Variants in ZNF500 observed in about 807,000 individuals in gnomAD.
The protein encoded by ZNF500 is zinc finger protein 500.
A neutral mutation model predicts 30.1 loss-of-function variants in ZNF500; 31 were observed. The observed-to-expected ratio is 1.03, with a 90% confidence interval of 0.77 to 1.39. The LOEUF is 1.39. Ranked by LOEUF, ZNF500 falls within the 40% of genes most tolerant of loss-of-function variation. The pLI, the probability that ZNF500 is intolerant of heterozygous loss-of-function variation, is 0.00. For synonymous variants in ZNF500, 392 were observed against 282.0 expected, an observed-to-expected ratio of 1.39 and a Z score of -3.91; for missense variants, 817 against 657.8, an observed-to-expected ratio of 1.24 and a Z score of -2.65.
chr16:4,755,282 C>T (rs571399543), intron 5 of ZNF500, among the ~76,000 whole-genome samples: 1 of 152,120 alleles, frequency 6.6e-6, no homozygotes, highest in South Asian at 2.1e-4. Flanking sequence ...GCGTGAGCCA[C>T]AGCACCCAGC....
chr16:4,752,069 C>T lies in ZNF500; in HGVS notation c.*307G>A. ...GGACCCTCCCAGGCCCTTCAGGAGCCAGCCCCACGAACACCTTGAGTGTCG... is the reference window on the plus strand; with the variant it reads ...GGACCCTCCCAGGCCCTTCAGGAGCTAGCCCCACGAACACCTTGAGTGTCG... On this transcript the variant is annotated 3_prime_UTR_variant, in exon 6 of 6. Transcript: ENST00000219478. 1.5e-6 allele frequency: 2 copies of T among 1,301,178 alleles called. No homozygotes were observed. The highest frequency in any genetic ancestry group is 1.9e-6 in the Non-Finnish European group (2 of 1,027,274). The allele number at this position is 1,301,178 out of a possible 1,614,324, so 80.6% of individuals were successfully genotyped here.
At chr16:4,759,697 TGGA>T (rs1280682447) in intron 5 of ZNF500, among the ~76,000 whole-genome samples, 1 of 152,100 alleles carries the variant, frequency 6.6e-6, no homozygotes, top group Non-Finnish European at 1.5e-5. Context: ...TCTGTTTCTC[TGGA>T]GAAGAACCCT....
At chr16:4,761,721 T>C (rs1187994229) in intron 4 of ZNF500, among the ~76,000 whole-genome samples, 2 of 147,844 alleles carry the variant, frequency 1.4e-5, no homozygotes, top group Admixed American at 1.4e-4. Context: ...CCGGGTGTGG[T>C]GGTGCATGCC....
downstream of ZNF500, chr16:4,747,413 C>A: frequency 6.2e-7 from 1 of 1,612,806 alleles, no homozygotes; most frequent in Non-Finnish European, 8.5e-7. Flanking sequence ...CCAGCCCGAG[C>A]TGCCTGCCAG....
At chr16:4,746,549 C>T, downstream of ZNF500, 1 of 1,594,582 alleles carries the variant, frequency 6.3e-7, no homozygotes, top group Non-Finnish European at 8.5e-7. Context: ...CCAGCCTCTA[C>T]TTTGCAGAGT....
downstream of ZNF500, chr16:4,747,015 C>A: frequency 1.3e-6 from 2 of 1,531,588 alleles, no homozygotes; most frequent in South Asian, 2.5e-5. Flanking sequence ...TCCTTCCTCC[C>A]TGGGGCTACG....
chr16:4,746,991 G>A (rs551704306), downstream of ZNF500: 67 of 1,540,022 alleles, frequency 4.4e-5, no homozygotes, highest in South Asian at 5.4e-4. Context: ...TCTGGGAGAC[G>A]CAGAGGGGGC....
chr16:4,760,487 G>C lies in ZNF500; in HGVS notation c.760+5C>G, dbSNP rs527497593. 3 of 1,613,240 alleles carry C rather than the reference G, an allele frequency of 1.9e-6. No homozygotes were observed. The highest frequency in any genetic ancestry group is 2.7e-5 in the African/African-American group (2 of 75,044). On this transcript the variant is annotated splice_donor_5th_base_variant and intron_variant, in intron 5 of 5. Coordinates refer to ENST00000219478, the MANE Select transcript of ZNF500 (RefSeq NM_021646.4). Reference sequence around the variant, plus strand: ...CCCTAGAGGACACAATCACTTGCAAGTTACCTTCATTCTCCAGCGGCGCGT... The same window carrying C: ...CCCTAGAGGACACAATCACTTGCAACTTACCTTCATTCTCCAGCGGCGCGT...
At chr16:4,761,263 C>A (rs890206000) in intron 4 of ZNF500, among the ~76,000 whole-genome samples, 1 of 151,754 alleles carries the variant, frequency 6.6e-6, no homozygotes, top group African/African-American at 2.4e-5. Context: ...ATGGTGAAAC[C>A]CCATCTGTAC....
intron 2 of ZNF500, chr16:4,764,110 T>C: frequency 3.0e-6 from 3 of 985,358 alleles, no homozygotes; most frequent in Non-Finnish European, 3.6e-6. Flanking sequence ...AGAGGCACTG[T>C]CTATAGAGAT....
In ZNF500 at chr16:4,765,552, T is replaced by C. The variant is rs895849169; in HGVS notation, c.414+13A>G. ...CCATTTCCTCACCTGAGGGTCAAAA[T>C]GCCCCCACTCACCCGCTGCCTGTGT... is the stretch of plus-strand genomic sequence containing the variant. On this transcript the variant is annotated intron_variant, in intron 2 of 5. Coordinates refer to ENST00000219478, the MANE Select transcript of ZNF500 (RefSeq NM_021646.4). 6.4e-7 allele frequency: 1 copy of C among 1,568,730 alleles called. No homozygotes were observed. The highest frequency in any genetic ancestry group is 1.4e-5 in the African/African-American group (1 of 73,924).
At position 4,752,028 on chromosome 16, in the gene ZNF500, G is replaced by T; in HGVS notation, c.*348C>A. 1 of 1,235,270 alleles carries T rather than the reference G, an allele frequency of 8.1e-7. No homozygotes were observed. The highest frequency in any genetic ancestry group is 1.0e-6 in the Non-Finnish European group (1 of 974,862). The allele number at this position is 1,235,270 out of a possible 1,614,324, so 76.5% of individuals were successfully genotyped here. A position where few individuals can be genotyped will look rare whatever the true frequency, so the allele number is the denominator to read the frequency against. ...GGCTGTATGCCAGCAGCCACTGGAT[G>T]CTGGAGGCAGCTGATGGACCCTCCC... On this transcript the variant is annotated 3_prime_UTR_variant, in exon 6 of 6. Transcript: ENST00000219478.
intron 5 of ZNF500, among the ~76,000 whole-genome samples, chr16:4,759,117 G>T (rs1441423043): frequency 4.6e-5 from 7 of 151,924 alleles, no homozygotes; most frequent in Non-Finnish European, 1.0e-4. Context: ...GGCTGAGGCA[G>T]GAGAATCGCT....
intron 2 of ZNF500, 130 bp downstream of exon 2, chr16:4,765,435 T>G (rs1200410666): frequency 2.1e-5 from 27 of 1,310,316 alleles, no homozygotes; most frequent in Non-Finnish European, 2.7e-5. Context: ...CTTTTGCAGT[T>G]GCTTTCCTCA....
Position 4,767,037 on chromosome 16 carries a change from G to C in ZNF500, c.-119C>G, listed in dbSNP as rs2082271264. ...CTCACTGGAAGCGCTGCCGGCCGTG[G>C]GCAGTTCGGGGCAGGACCGGAGCGG... On this transcript the variant is annotated 5_prime_UTR_variant, in exon 1 of 6. Transcript: ENST00000219478. The C allele has an allele frequency of 6.6e-6, 1 of 152,316 alleles. No individual in the cohort carries two copies. Among genetic ancestry groups the C allele is most frequent in the African/African-American group, 2.4e-5 (1 of 41,482 alleles). The allele number at this position is 152,316 out of a possible 1,614,324, so 9.4% of individuals were successfully genotyped here. A position where few individuals can be genotyped will look rare whatever the true frequency, so the allele number is the denominator to read the frequency against.
downstream of ZNF500, chr16:4,747,737 C>G (rs1336504623): frequency 7.4e-7 from 1 of 1,353,654 alleles, no homozygotes; most frequent in South Asian, 1.5e-5. Flanking sequence ...AGGGGCATTC[C>G]AGAGGCAGGG....
At chr16:4,757,331 GAGAC>G (rs1278223985) in intron 5 of ZNF500, among the ~76,000 whole-genome samples, 2 of 152,036 alleles carry the variant, frequency 1.3e-5, no homozygotes, top group African/African-American at 4.8e-5. Flanking sequence ...TTGTTTTTTT[GAGAC>G]AGAGTCTCAC....
In ZNF500 at chr16:4,752,504, A is replaced by C; in HGVS notation, c.1315T>G (p.Cys439Gly). 3 of 1,555,180 alleles carry C rather than the reference A, an allele frequency of 1.9e-6. No individual in the cohort carries two copies. In the South Asian group the frequency reaches 3.5e-5, roughly 18 times the overall value. ...RTHTGEKPYT[C>G]PACGRGFRRG... ...CGGAAGCCCCGGCCACAGGCCGGGCAGGTGTAGGGCTTCTCACCTGTGTGC... is the reference window on the plus strand; with the variant it reads ...CGGAAGCCCCGGCCACAGGCCGGGCCGGTGTAGGGCTTCTCACCTGTGTGC... Residue 439 changes from cysteine (C) to glycine (G), a missense_variant, in exon 6 of 6, where the codon TGC becomes GGC. Cys to Gly is a radical substitution (Grantham distance 159). Coordinates refer to ENST00000219478, the MANE Select transcript of ZNF500 (RefSeq NM_021646.4).
Position 4,752,093 on chromosome 16 carries a change from C to T in ZNF500, c.*283G>A, listed in dbSNP as rs533550137. The T allele has an allele frequency of 3.3e-4, 442 of 1,321,760 alleles. No individual in the cohort carries two copies. Among genetic ancestry groups the T allele is most frequent in the Non-Finnish European group, 3.5e-4 (363 of 1,040,048 alleles). The allele number at this position is 1,321,760 out of a possible 1,614,324, so 81.9% of individuals were successfully genotyped here. On this transcript the variant is annotated 3_prime_UTR_variant, in exon 6 of 6. Coordinates refer to ENST00000219478, the MANE Select transcript of ZNF500 (RefSeq NM_021646.4). The stretch of plus-strand genomic sequence containing the variant: ...CCAGCCCCACGAACACCTTGAGTGT[C>T]GGCTTCTGGCCTCCTGAGTGTGTCT...
Sources: gnomAD v4.1 joint callset for allele counts (sites outside exome capture counted in the v4.1 genomes callset) on GRCh38, gnomAD v4.1.1 for gene constraint, MANE v1.5 for transcripts, NCBI Gene and HGNC (gene_info 2026-07-23, HGNC 2026-07-21) for gene names.